Variants in DPP4 observed in about 807,000 individuals in gnomAD.
DPP4 encodes the protein ADCP-2.
In DPP4, 93 loss-of-function variants were observed where a neutral mutation model predicts 122.4. The observed-to-expected ratio is 0.76, with a 90% confidence interval of 0.64 to 0.90. The LOEUF is 0.90. Among genes scored for constraint, DPP4 ranks in the 40% least tolerant of loss-of-function variants. The probability of loss-of-function intolerance (pLI) is 0.00; values close to 1 mark genes in which losing one functional copy is unlikely to be tolerated. For synonymous variants in DPP4, 321 were observed against 302.9 expected, an observed-to-expected ratio of 1.06 and a Z score of -0.62; for missense variants, 914 against 907.3, an observed-to-expected ratio of 1.01 and a Z score of -0.09.
chr2:162,048,442 T>C (rs1364663316), intron 2 of DPP4, among the ~76,000 whole-genome samples: 1 of 152,102 alleles, frequency 6.6e-6, no homozygotes, highest in African/African-American at 2.4e-5. Flanking sequence ...GCCAAAAGTT[T>C]TCAATATTTC....
intron 2 of DPP4, 142 bp from the exon 3 acceptor site, chr2:162,047,643 A>G: frequency 1.9e-6 from 1 of 523,390 alleles, no homozygotes; most frequent in East Asian, 2.9e-5. Flanking sequence ...ACACATTTTA[A>G]AAGACTTCAG....
At chr2:162,061,144 C>G (rs1280917299) in intron 2 of DPP4, among the ~76,000 whole-genome samples, 1 of 152,020 alleles carries the variant, frequency 6.6e-6, no homozygotes, top group East Asian at 1.9e-4. Context: ...TGGGCTCAAG[C>G]GATCCTCCTG....
intron 4 of DPP4, among the ~76,000 whole-genome samples, chr2:162,046,547 T>C (rs1466725545): frequency 6.6e-6 from 1 of 152,150 alleles, no homozygotes; most frequent in Admixed American, 6.6e-5. Flanking sequence ...AATTAAAGTT[T>C]AAATCTGGGA....
intron 10 of DPP4, among the ~76,000 whole-genome samples, chr2:162,027,975 T>C (rs1301549425): frequency 6.6e-6 from 1 of 152,048 alleles, no homozygotes; most frequent in Non-Finnish European, 1.5e-5. Context: ...ACAGGAATTT[T>C]TGAATTTTCT....
In DPP4 at chr2:162,044,622, A is replaced by G. The variant is rs571632524; in HGVS notation, c.366+910T>C. On this transcript the variant is annotated intron_variant, in intron 5 of 25. Transcript: ENST00000360534. ...TTTACAAATTTGTAATCTTCACTAC[A>G]TGTCTCAAAACTTCCTATACTTGAA... Among the ~76,000 whole-genome samples the G allele has an allele frequency of 6.6e-5, 10 of 152,296 alleles. No homozygotes were observed. The East Asian group carries it at 1.9e-3, about 29-fold the overall frequency.
chr2:162,007,167 A>G (rs1440800434), intron 22 of DPP4, among the ~76,000 whole-genome samples: 1 of 152,090 alleles, frequency 6.6e-6, no homozygotes, highest in African/African-American at 2.4e-5. Flanking sequence ...ATTTTAAAAG[A>G]CACTTTAAAA....
intron 23 of DPP4, among the ~76,000 whole-genome samples, chr2:161,998,669 C>T (rs765953045): frequency 6.6e-6 from 1 of 151,984 alleles, no homozygotes; most frequent in Non-Finnish European, 1.5e-5. Context: ...GAGTTTGGAC[C>T]AAAACAGTTT....
chr2:162,020,303 G>GTT lies in DPP4; in HGVS notation c.1177-9_1177-8dup, dbSNP rs34282135. ...TTGTAATAAATGTGCAGTCCTGATG[G>GTT]TTTTTTTTTTTTTTCAAAAAAAAAA... On this transcript the variant is annotated splice_polypyrimidine_tract_variant and splice_region_variant and intron_variant, in intron 13 of 25. Transcript: ENST00000360534. 0.28 allele frequency: 322,505 copies of GTT among 1,164,428 alleles called. 17,888 individuals are homozygous for GTT. Among genetic ancestry groups the GTT allele is most frequent in the East Asian group, 0.44 (15,055 of 33,834 alleles). 72.1% of individuals were successfully genotyped at this position (1,164,428 alleles called of 1,614,324 possible). A position where few individuals can be genotyped will look rare whatever the true frequency, so the allele number is the denominator to read the frequency against.
At chr2:162,028,727 C>G (rs949583443) in intron 10 of DPP4, among the ~76,000 whole-genome samples, 13 of 152,088 alleles carry the variant, frequency 8.5e-5, no homozygotes, top group African/African-American at 3.1e-4. Context: ...AAGTTCACAC[C>G]CATGTGGAGT....
intron 2 of DPP4, 102 bp downstream of exon 2, chr2:162,073,297 T>C: frequency 2.5e-6 from 3 of 1,192,782 alleles, no homozygotes; most frequent in Non-Finnish European, 3.7e-6. Flanking sequence ...TTCGGGGCAC[T>C]GGTCCAACCC....
intron 19 of DPP4, among the ~76,000 whole-genome samples, chr2:162,013,979 CG>C (rs1682810736): frequency 6.6e-6 from 1 of 152,032 alleles, no homozygotes. Flanking sequence ...AGAAAATAGC[CG>C]GCAGTAATAT....
At chr2:162,068,822 CTCT>C (rs1685028644) in intron 2 of DPP4, among the ~76,000 whole-genome samples, 1 of 152,124 alleles carries the variant, frequency 6.6e-6, no homozygotes, top group Non-Finnish European at 1.5e-5. Context: ...CCACAGTAGG[CTCT>C]TCTTCAGAAT....
At chr2:162,073,545 G>C (rs1414382903) in intron 1 of DPP4, 59 bp from the exon 2 acceptor site, 1 of 1,553,222 alleles carries the variant, frequency 6.4e-7, no homozygotes, top group Non-Finnish European at 8.9e-7. Flanking sequence ...AGTTTCCGTA[G>C]GAGGGTCGGG....
At chr2:162,045,652 A>T (rs1174785654) in intron 4 of DPP4, 40 bp from the exon 5 acceptor site, 1 of 1,431,418 alleles carries the variant, frequency 7.0e-7, no homozygotes, top group African/African-American at 1.4e-5. Flanking sequence ...GAACAATTCC[A>T]TTTCATTGCC....
Position 162,061,066 on chromosome 2 carries a change from CT to C in DPP4, c.94+12332del, listed in dbSNP as rs550080980. Among the ~76,000 whole-genome samples, 9 of 139,976 alleles carry C rather than the reference CT, an allele frequency of 6.4e-5. No individual in the cohort carries two copies. The South Asian group carries it at 1.7e-3, about 26-fold the overall frequency. The allele number at this position is 139,976 out of a possible 152,430, so 91.8% of individuals were successfully genotyped here. ...TTCTCTTTTTTACTTGAAACAGGGT[CT>C]CACTCTGTCACCCAGGCTAGAGTGC... On this transcript the variant is annotated intron_variant, in intron 2 of 25. Transcript: ENST00000360534.
At chr2:162,012,817 T>A (rs942726989) in intron 19 of DPP4, among the ~76,000 whole-genome samples, 6 of 152,008 alleles carry the variant, frequency 3.9e-5, no homozygotes, top group Admixed American at 3.9e-4. Context: ...ACTTATTCCC[T>A]CCCCAGCCCA....
chr2:162,033,708 T>G, intron 9 of DPP4, 55 bp from the exon 10 acceptor site: 1 of 1,176,852 alleles, frequency 8.5e-7, no homozygotes, highest in Non-Finnish European at 1.2e-6. Flanking sequence ...AGTAACATCG[T>G]TGCACACATT....
chr2:162,001,217 G>T (rs1701138737), intron 23 of DPP4, among the ~76,000 whole-genome samples: 1 of 152,176 alleles, frequency 6.6e-6, no homozygotes, highest in Non-Finnish European at 1.5e-5. Flanking sequence ...ATCTGGAGGA[G>T]AATTAAACCT....
chr2:162,036,060 AT>A, intron 8 of DPP4, among the ~76,000 whole-genome samples: 1 of 152,258 alleles, frequency 6.6e-6, no homozygotes, highest in Non-Finnish European at 1.5e-5. Context: ...CCCTATGATT[AT>A]TATGGGGTCT....
Sources: gnomAD v4.1 joint callset for allele counts (sites outside exome capture counted in the v4.1 genomes callset) on GRCh38, gnomAD v4.1.1 for gene constraint, MANE v1.5 for transcripts, NCBI Gene and HGNC (gene_info 2026-07-23, HGNC 2026-07-21) for gene names.